CFAP92: variants seen among roughly 807,000 people sequenced by gnomAD.
The protein encoded by CFAP92 is uncharacterized protein CFAP92.
Under a neutral mutation model 106.3 loss-of-function variants are expected in CFAP92, and 86 were observed. That is an observed-to-expected ratio of 0.81 (90% CI 0.68 to 0.97). The LOEUF (loss-of-function observed/expected upper bound fraction) is 0.97. Among genes scored for constraint, CFAP92 ranks in the 50% least tolerant of loss-of-function variants. The pLI, the probability that CFAP92 is intolerant of heterozygous loss-of-function variation, is 0.00. For synonymous variants in CFAP92, 477 were observed against 506.4 expected (o/e 0.94, Z 0.78); for missense variants, 1,204 against 1,283.8 (o/e 0.94, Z 0.95).
chr3:128,923,980 G>A (rs796993362), intron 12 of CFAP92, among the ~76,000 whole-genome samples: 1 of 152,132 alleles, frequency 6.6e-6, no homozygotes, highest in Non-Finnish European at 1.5e-5. Context: ...CTCTATACTT[G>A]GCAGATTTTG....
chr3:128,963,068 G>C (rs557062072), intron 9 of CFAP92, among the ~76,000 whole-genome samples: 6 of 152,304 alleles, frequency 3.9e-5, no homozygotes, highest in Admixed American at 6.5e-5. Flanking sequence ...CTGCCGCAAG[G>C]CTTCACAGAC....
intron 15 of CFAP92, among the ~76,000 whole-genome samples, chr3:128,911,224 T>G (rs1429905406): frequency 6.6e-6 from 1 of 151,846 alleles, no homozygotes; most frequent in Non-Finnish European, 1.5e-5. Context: ...GCCCGGCTAA[T>G]TTTTTGTATT....
At chr3:128,931,315 A>G (rs1938336063) in intron 12 of CFAP92, among the ~76,000 whole-genome samples, 1 of 151,876 alleles carries the variant, frequency 6.6e-6, no homozygotes, top group African/African-American at 2.4e-5. Context: ...AGCTGGGACT[A>G]CAAGTACATG....
chr3:128,929,125 C>T (rs1045998500), intron 12 of CFAP92, among the ~76,000 whole-genome samples: 3 of 152,044 alleles, frequency 2.0e-5, no homozygotes, highest in Admixed American at 2.0e-4. Flanking sequence ...CAAAAAGATA[C>T]AAATATATAT....
intron 10 of CFAP92, among the ~76,000 whole-genome samples, chr3:128,942,660 A>G (rs981101370): frequency 2.7e-5 from 4 of 150,200 alleles, no homozygotes; most frequent in Non-Finnish European, 5.9e-5. Context: ...ATTCTTTGCT[A>G]CACACCACAA....
At chr3:128,993,383 G>A in intron 1 of CFAP92, 47 bp from the exon 2 acceptor site, 1 of 1,523,258 alleles carries the variant, frequency 6.6e-7, no homozygotes, top group Non-Finnish European at 8.8e-7. Context: ...TTCCAGGGCT[G>A]CTCCAGGAGG....
chr3:128,937,691 T>G (rs1016399734), intron 10 of CFAP92, among the ~76,000 whole-genome samples: 4 of 151,980 alleles, frequency 2.6e-5, no homozygotes, highest in Non-Finnish European at 5.9e-5. Context: ...TCAACAGTAG[T>G]TATATAAGAT....
chr3:128,922,378 C>T (rs1047581442), intron 12 of CFAP92, among the ~76,000 whole-genome samples: 1 of 152,068 alleles, frequency 6.6e-6, no homozygotes, highest in East Asian at 1.9e-4. Flanking sequence ...ATTAGTTCCT[C>T]GACTCAGTGG....
chr3:128,943,143 C>A (rs1271421138), intron 10 of CFAP92, among the ~76,000 whole-genome samples: 3 of 152,100 alleles, frequency 2.0e-5, no homozygotes, highest in South Asian at 4.1e-4. Flanking sequence ...TGGTCTTGAT[C>A]TCCTGACCTC....
chr3:128,993,331 G>C lies in CFAP92; in HGVS notation c.-27C>G, dbSNP rs2107827593. The C allele has an allele frequency of 6.3e-7, 1 of 1,594,658 alleles. No homozygotes were observed. The highest frequency in any genetic ancestry group is 2.3e-5 in the East Asian group (1 of 43,960). ...CTGCAGAGCGCACTGCTGGCCGCCG[G>C]CGCTCCTGGCAGGGAGAAAGTGAAG... is the stretch of plus-strand genomic sequence containing the variant. On this transcript the variant is annotated 5_prime_UTR_variant, in exon 2 of 16. Coordinates refer to ENST00000645291, the MANE Select transcript of CFAP92 (RefSeq NM_001394090.1).
At chr3:129,004,208 C>G (rs1018427351), upstream of CFAP92, 33 of 1,151,830 alleles carry the variant, frequency 2.9e-5, no homozygotes, top group Admixed American at 4.5e-4. Flanking sequence ...TTCATGTATT[C>G]TTTCATTCCT....
intron 12 of CFAP92, among the ~76,000 whole-genome samples, chr3:128,920,790 G>A (rs944838942): frequency 1.3e-5 from 2 of 152,320 alleles, no homozygotes; most frequent in South Asian, 4.1e-4. Context: ...GGAATCCAGG[G>A]AACAGCGCAT....
In CFAP92 at chr3:128,945,957, A is replaced by T; in HGVS notation, c.1372T>A (p.Tyr458Asn). The T allele has an allele frequency of 1.4e-6, 2 of 1,443,760 alleles. No homozygotes were observed. Among genetic ancestry groups the T allele is most frequent in the Non-Finnish European group, 1.8e-6 (2 of 1,104,990 alleles). The allele number at this position is 1,443,760 out of a possible 1,614,324, so 89.4% of individuals were successfully genotyped here. A position where few individuals can be genotyped will look rare whatever the true frequency, so the allele number is the denominator to read the frequency against. Residue 458 changes from tyrosine (Y) to asparagine (N), a missense_variant, in exon 10 of 16, where the codon TAC becomes AAC. Physicochemically the swap from Tyr to Asn is moderately radical, Grantham distance 143. Transcript: ENST00000645291. The stretch of plus-strand genomic sequence containing the variant: ...GTCTTATGGAACTGGTACTTGCAGT[A>T]CACAGGCATGCACAGCCTCTACGAG... ...QELERLCMPV[Y>N]CKYQFHKTPV...
chr3:128,990,838 A>C (rs575432562), intron 2 of CFAP92, among the ~76,000 whole-genome samples: 95 of 152,336 alleles, frequency 6.2e-4, no homozygotes, highest in African/African-American at 2.2e-3. Context: ...TGGAGGTTGC[A>C]GTGAGCCGAG....
intron 8 of CFAP92, chr3:128,968,519 G>A (rs1312350948): frequency 1.3e-5 from 2 of 152,238 alleles, no homozygotes; most frequent in African/African-American, 2.4e-5. Flanking sequence ...TATGTCATGG[G>A]TATAATGGAG....
chr3:128,928,488 T>C (rs1937959095), intron 12 of CFAP92, among the ~76,000 whole-genome samples: 1 of 152,208 alleles, frequency 6.6e-6, no homozygotes, highest in African/African-American at 2.4e-5. Context: ...GAACATAGTT[T>C]AGAACTCAGA....
At chr3:128,914,885 G>A in intron 15 of CFAP92, 1 of 527,334 alleles carries the variant, frequency 1.9e-6, no homozygotes, top group Non-Finnish European at 3.4e-6. Context: ...AGGGCATGAA[G>A]GGATTTGCCT....
intron 10 of CFAP92, among the ~76,000 whole-genome samples, chr3:128,942,916 CTTTT>C (rs36073693): frequency 4.0e-4 from 34 of 84,972 alleles, no homozygotes; most frequent in African/African-American, 2.0e-3. Context: ...AAAACTCAAC[CTTTT>C]TTTTTTTTTT....
At chr3:128,933,079 T>C (rs760046472) in intron 11 of CFAP92, 82 bp from the exon 12 acceptor site, 2 of 1,309,460 alleles carry the variant, frequency 1.5e-6, no homozygotes, top group African/African-American at 1.5e-5. Flanking sequence ...CAGCAGGAAA[T>C]GAACACTCAG....
Sources: allele counts gnomAD v4.1 joint callset (sites outside exome capture counted in the v4.1 genomes callset), GRCh38; gene constraint gnomAD v4.1.1; transcripts MANE v1.5; gene names NCBI Gene and HGNC (gene_info 2026-07-23, HGNC 2026-07-21).